Variants in PPM1L observed in about 807,000 individuals in gnomAD.
The protein encoded by PPM1L is protein phosphatase 1L.
PPM1L carries 13 observed loss-of-function variants against 31.4 expected under a neutral mutation model. The ratio of observed to expected loss-of-function variants is 0.41; its 90% CI spans 0.27 to 0.66. The LOEUF is 0.66. Among genes scored for constraint, PPM1L ranks in the 30% least tolerant of loss-of-function variants. The pLI, the probability that PPM1L is intolerant of heterozygous loss-of-function variation, is 0.29. For missense variants in PPM1L, 326 were observed against 453.7 expected, an observed-to-expected ratio of 0.72 and a Z score of 2.56; for synonymous variants, 184 against 175.4, an observed-to-expected ratio of 1.05 and a Z score of -0.39.
chr3:160,930,125 G>A lies in PPM1L; in HGVS notation c.400-31611G>A, dbSNP rs886539837. Among the ~76,000 whole-genome samples the A allele has an allele frequency of 7.2e-5, 11 of 152,288 alleles. No homozygotes were observed. The East Asian group carries it at 1.9e-3, about 27-fold the overall frequency. ...TTTGACTCTTTCATTTTGAATGTGG[G>A]TTAGGGCTTTTTAGAACCACAAAAC... On this transcript the variant is annotated intron_variant, in intron 1 of 3. Coordinates refer to ENST00000498165, the MANE Select transcript of PPM1L (RefSeq NM_139245.4).
chr3:160,880,290 A>G (rs1195073220), intron 1 of PPM1L, among the ~76,000 whole-genome samples: 1 of 152,174 alleles, frequency 6.6e-6, no homozygotes, highest in Non-Finnish European at 1.5e-5. Context: ...AATAGGAAAC[A>G]TGAGTTTTCA....
chr3:160,947,019 T>G (rs1715430292), intron 1 of PPM1L, among the ~76,000 whole-genome samples: 3 of 152,034 alleles, frequency 2.0e-5, no homozygotes, highest in Admixed American at 1.3e-4. Flanking sequence ...TTGAGAGAAA[T>G]GTGAAAGGAG....
chr3:161,008,416 C>G (rs950652877), intron 2 of PPM1L, among the ~76,000 whole-genome samples: 2 of 152,216 alleles, frequency 1.3e-5, no homozygotes, highest in Non-Finnish European at 2.9e-5. Flanking sequence ...TTTGTTGAAT[C>G]TAAGCATAAA....
chr3:160,904,027 G>A (rs1483124186), intron 1 of PPM1L, among the ~76,000 whole-genome samples: 1 of 152,098 alleles, frequency 6.6e-6, no homozygotes, highest in Admixed American at 6.5e-5. Context: ...GAGAAAAATT[G>A]TCTTGGATGA....
intron 1 of PPM1L, among the ~76,000 whole-genome samples, chr3:160,849,645 C>T (rs971690224): frequency 7.9e-5 from 12 of 151,308 alleles, no homozygotes; most frequent in African/African-American, 2.7e-4. Flanking sequence ...AGGATGGTCT[C>T]GATCTCCTGA....
chr3:160,835,035 TAC>T (rs1491363547), intron 1 of PPM1L, among the ~76,000 whole-genome samples: 45 of 143,140 alleles, frequency 3.1e-4, no homozygotes, highest in South Asian at 1.2e-3. Context: ...CTATTACTAC[TAC>T]TACTTCTTCT....
chr3:160,865,204 C>G (rs1262704446), intron 1 of PPM1L, among the ~76,000 whole-genome samples: 1 of 152,010 alleles, frequency 6.6e-6, no homozygotes, highest in Non-Finnish European at 1.5e-5. Flanking sequence ...GACTGACTTT[C>G]TAGAAAGATA....
chr3:161,029,970 CTG>C (rs1718512888), intron 2 of PPM1L, among the ~76,000 whole-genome samples: 1 of 152,230 alleles, frequency 6.6e-6, no homozygotes, highest in Admixed American at 6.5e-5. Context: ...GAAGAAAAGA[CTG>C]AGCACAAGCT....
At chr3:160,906,691 A>G (rs1713774472) in intron 1 of PPM1L, among the ~76,000 whole-genome samples, 1 of 152,196 alleles carries the variant, frequency 6.6e-6, no homozygotes, top group Non-Finnish European at 1.5e-5. Context: ...AGTTACAGTC[A>G]GGATGGTGGC....
chr3:160,824,567 T>A (rs902862868), intron 1 of PPM1L, among the ~76,000 whole-genome samples: 2 of 152,174 alleles, frequency 1.3e-5, no homozygotes, highest in African/African-American at 4.8e-5. Context: ...TCTTTTAACG[T>A]GGCTCCTCAC....
At chr3:160,903,930 A>T (rs1398805119) in intron 1 of PPM1L, among the ~76,000 whole-genome samples, 4 of 152,068 alleles carry the variant, frequency 2.6e-5, no homozygotes, top group Non-Finnish European at 4.4e-5. Context: ...ATCTTGGTAA[A>T]ATTCTGTCCA....
At chr3:160,820,933 G>C (rs1441498104) in intron 1 of PPM1L, among the ~76,000 whole-genome samples, 1 of 151,960 alleles carries the variant, frequency 6.6e-6, no homozygotes, top group Non-Finnish European at 1.5e-5. Context: ...TGAGTAATAA[G>C]ATATACATAC....
chr3:161,075,433 A>G lies in PPM1L; in HGVS notation c.*6276A>G, dbSNP rs975348626. 6.6e-6 allele frequency: 1 copy of G among 152,212 alleles called. No homozygotes were observed. The highest frequency in any genetic ancestry group is 1.5e-5 in the Non-Finnish European group (1 of 68,036). 9.4% of individuals were successfully genotyped at this position (152,212 alleles called of 1,614,324 possible). A position where few individuals can be genotyped will look rare whatever the true frequency, so the allele number is the denominator to read the frequency against. On this transcript the variant is annotated 3_prime_UTR_variant, in exon 4 of 4. Coordinates refer to ENST00000498165, the MANE Select transcript of PPM1L (RefSeq NM_139245.4). The stretch of plus-strand genomic sequence containing the variant: ...AAGGCAGTTGTTACCACTTTTCACC[A>G]TTCAAAAAATGGGCTTGTCTCTTAG...
intron 2 of PPM1L, 139 bp downstream of exon 2, chr3:160,962,049 G>A: frequency 1.9e-6 from 1 of 523,256 alleles, no homozygotes; most frequent in Non-Finnish European, 3.1e-6. Context: ...TTTCTTCTCT[G>A]CAGTTTTAGT....
intron 2 of PPM1L, among the ~76,000 whole-genome samples, chr3:161,017,109 T>C (rs1315278451): frequency 6.6e-6 from 1 of 152,186 alleles, no homozygotes; most frequent in Non-Finnish European, 1.5e-5. Context: ...AAAGTGTAAC[T>C]GTGGATAGAG....
intron 1 of PPM1L, among the ~76,000 whole-genome samples, chr3:160,880,158 G>A (rs1322934575): frequency 1.3e-5 from 2 of 152,124 alleles, no homozygotes; most frequent in African/African-American, 4.8e-5. Context: ...AGCAGTAGGA[G>A]GAGAGGAACA....
Position 160,995,984 on chromosome 3 carries a change from G to A in PPM1L, c.574+34074G>A, listed in dbSNP as rs367972665. 3.9e-5 allele frequency among the ~76,000 whole-genome samples: 6 copies of A among 152,314 alleles called. No homozygotes were observed. The East Asian group carries it at 9.6e-4, about 24-fold the overall frequency. ...TAACCAAGAAGTGGGCTAAGGACAT[G>A]AATAGACAATTCTCAAAAGAAGATA... On this transcript the variant is annotated intron_variant, in intron 2 of 3. Coordinates refer to ENST00000498165, the MANE Select transcript of PPM1L (RefSeq NM_139245.4).
chr3:161,073,403 C>A lies in PPM1L; in HGVS notation c.*4246C>A, dbSNP rs1475083853. The A allele has an allele frequency of 6.6e-6, 1 of 152,176 alleles. No homozygotes were observed. Among genetic ancestry groups the A allele is most frequent in the East Asian group, 1.9e-4 (1 of 5,190 alleles). The allele number at this position is 152,176 out of a possible 1,614,324, so 9.4% of individuals were successfully genotyped here. A position where few individuals can be genotyped will look rare whatever the true frequency, so the allele number is the denominator to read the frequency against. ...ATTGCTGTGTTTTCATTCACGATGA[C>A]TCTTAGTAGCAGTACAATTTGCAAC... On this transcript the variant is annotated 3_prime_UTR_variant, in exon 4 of 4. Transcript: ENST00000498165.
chr3:160,776,741 C>T (rs1384418478), intron 1 of PPM1L, among the ~76,000 whole-genome samples: 2 of 151,668 alleles, frequency 1.3e-5, no homozygotes, highest in African/African-American at 2.4e-5. Context: ...ACTGGGACTA[C>T]AGACACATGC....
Sources: allele counts gnomAD v4.1 joint callset (sites outside exome capture counted in the v4.1 genomes callset), GRCh38; gene constraint gnomAD v4.1.1; transcripts MANE v1.5; gene names NCBI Gene and HGNC (gene_info 2026-07-23, HGNC 2026-07-21).